Variants in EPHB1 observed in about 807,000 individuals in gnomAD.
The protein encoded by EPHB1 is EPH receptor B1.
In EPHB1, 30 loss-of-function variants were observed where a neutral mutation model predicts 94.4. The observed-to-expected ratio is 0.32, with a 90% CI of 0.24 to 0.43. The LOEUF is 0.43. EPHB1 is among the 20% of genes least tolerant of loss of function. EPHB1 has a pLI of 1.00. For synonymous variants in EPHB1, 522 were observed against 489.1 expected (o/e 1.07, Z -0.89); for missense variants, 1,055 against 1,308.3 (o/e 0.81, Z 2.99).
chr3:135,122,269 A>C (rs897019046), intron 4 of EPHB1, among the ~76,000 whole-genome samples: 2 of 152,214 alleles, frequency 1.3e-5, no homozygotes, highest in African/African-American at 4.8e-5. Context: ...TTAAGGTCAC[A>C]CTTTGGCAAG....
At chr3:135,002,037 G>A (rs1203492630) in intron 3 of EPHB1, among the ~76,000 whole-genome samples, 2 of 152,164 alleles carry the variant, frequency 1.3e-5, no homozygotes, top group African/African-American at 4.8e-5. Flanking sequence ...TTCATCAAGA[G>A]ATGAATCGAT....
At chr3:135,099,049 A>G (rs1938926457) in intron 3 of EPHB1, among the ~76,000 whole-genome samples, 2 of 147,860 alleles carry the variant, frequency 1.4e-5, no homozygotes, top group Non-Finnish European at 3.0e-5. Context: ...GGGAATCCAC[A>G]CTTTGTGTGG....
At chr3:135,057,385 G>T (rs1365125394) in intron 3 of EPHB1, among the ~76,000 whole-genome samples, 1 of 152,104 alleles carries the variant, frequency 6.6e-6, no homozygotes, top group Non-Finnish European at 1.5e-5. Context: ...TCTCTGGACA[G>T]CAGCACTTGC....
rs557329133 is a variant in EPHB1, at chr3:135,259,305, G to C, written c.*185G>C. The stretch of plus-strand genomic sequence containing the variant: ...CTCCATTTCTCAGTGACAGAAGCAT[G>C]TTTGAGATGCCGTGGGAAACCAAAT... On this transcript the variant is annotated 3_prime_UTR_variant, in exon 16 of 16. Transcript: ENST00000398015. The C allele has an allele frequency of 2.1e-6, 1 of 477,278 alleles. No homozygotes were observed. Among genetic ancestry groups the C allele is most frequent in the East Asian group, 3.3e-5 (1 of 30,078 alleles). 29.6% of individuals were successfully genotyped at this position (477,278 alleles called of 1,614,324 possible). A position where few individuals can be genotyped will look rare whatever the true frequency, so the allele number is the denominator to read the frequency against.
At chr3:134,898,793 G>A (rs980381414) in intron 1 of EPHB1, among the ~76,000 whole-genome samples, 10 of 152,152 alleles carry the variant, frequency 6.6e-5, no homozygotes, top group African/African-American at 2.4e-4. Context: ...AGCCTTCAGG[G>A]GAGCTCAGCT....
intron 3 of EPHB1, among the ~76,000 whole-genome samples, chr3:135,072,548 C>G (rs1489077321): frequency 1.3e-5 from 2 of 152,174 alleles, no homozygotes; most frequent in Non-Finnish European, 2.9e-5. Context: ...CTCTGAGCTG[C>G]AGCCACAGCA....
intron 5 of EPHB1, among the ~76,000 whole-genome samples, chr3:135,146,570 C>T (rs1001999077): frequency 3.9e-5 from 6 of 152,188 alleles, no homozygotes; most frequent in Admixed American, 2.6e-4. Context: ...GATACCCTAT[C>T]ACTTACTTTC....
chr3:134,804,576 G>T (rs2036000730), intron 1 of EPHB1, among the ~76,000 whole-genome samples: 1 of 152,150 alleles, frequency 6.6e-6, no homozygotes, highest in Non-Finnish European at 1.5e-5. Context: ...AGGAATCAGG[G>T]CACAGCGCAG....
At chr3:134,863,297 C>T (rs1044970845) in intron 1 of EPHB1, among the ~76,000 whole-genome samples, 24 of 152,202 alleles carry the variant, frequency 1.6e-4, no homozygotes, top group African/African-American at 5.1e-4. Flanking sequence ...GCCTGTTTCG[C>T]ATCATACTGC....
chr3:134,972,256 G>C (rs1933998022), intron 3 of EPHB1, among the ~76,000 whole-genome samples: 3 of 151,438 alleles, frequency 2.0e-5, no homozygotes, highest in Admixed American at 6.6e-5. Flanking sequence ...CTTGCTATGA[G>C]TCAATGCTGC....
chr3:134,916,090 G>A (rs932003184), intron 1 of EPHB1, among the ~76,000 whole-genome samples: 6 of 152,108 alleles, frequency 3.9e-5, no homozygotes, highest in Non-Finnish European at 7.3e-5. Flanking sequence ...AGACACAAAC[G>A]TTCTCCAAGT....
At chr3:134,851,887 A>G (rs1365673301) in intron 1 of EPHB1, among the ~76,000 whole-genome samples, 3 of 152,094 alleles carry the variant, frequency 2.0e-5, no homozygotes, top group African/African-American at 2.4e-5. Flanking sequence ...GAGCTCTGCT[A>G]TTGTCTTTTC....
chr3:134,991,820 C>G (rs779810745), intron 3 of EPHB1, among the ~76,000 whole-genome samples: 1 of 152,166 alleles, frequency 6.6e-6, no homozygotes, highest in African/African-American at 2.4e-5. Flanking sequence ...CGTCATGTCC[C>G]CAGGGAGTCT....
rs146464008 is a variant in EPHB1, at chr3:134,851,611, A to C, written c.58+55922A>C. Reference sequence around the variant, plus strand: ...TTCCTTGGGCTACTGCCAGTCCCTCATGGGGGCAAAACCATGCTCACTTGC... The same window carrying C: ...TTCCTTGGGCTACTGCCAGTCCCTCCTGGGGGCAAAACCATGCTCACTTGC... On this transcript the variant is annotated intron_variant, in intron 1 of 15. Coordinates refer to ENST00000398015, the MANE Select transcript of EPHB1 (RefSeq NM_004441.5). 2.0e-5 allele frequency among the ~76,000 whole-genome samples: 3 copies of C among 152,144 alleles called. No individual in the cohort carries two copies. The South Asian group carries it at 6.2e-4, about 32-fold the overall frequency.
chr3:135,096,939 A>C (rs557067276), intron 3 of EPHB1, among the ~76,000 whole-genome samples: 6 of 151,914 alleles, frequency 3.9e-5, no homozygotes, highest in Non-Finnish European at 8.8e-5. Flanking sequence ...CTACTTAAAA[A>C]ACAAAAGTTA....
chr3:134,859,895 A>G (rs938050642), intron 1 of EPHB1, among the ~76,000 whole-genome samples: 1 of 151,984 alleles, frequency 6.6e-6, no homozygotes, highest in Admixed American at 6.6e-5. Flanking sequence ...TTTGTTGTTA[A>G]TCTTTTCTTT....
chr3:134,967,381 G>C (rs1042616491), intron 3 of EPHB1, among the ~76,000 whole-genome samples: 9 of 152,122 alleles, frequency 5.9e-5, no homozygotes, highest in African/African-American at 2.2e-4. Flanking sequence ...TTTGAAACTT[G>C]GTCCTCAATG....
At chr3:135,190,704 A>G (rs1942433310) in intron 10 of EPHB1, among the ~76,000 whole-genome samples, 1 of 152,256 alleles carries the variant, frequency 6.6e-6, no homozygotes, top group Non-Finnish European at 1.5e-5. Flanking sequence ...TTTAACATAC[A>G]AATTCAAATA....
chr3:134,952,381 A>T (rs1933070340), intron 3 of EPHB1, among the ~76,000 whole-genome samples: 1 of 129,582 alleles, frequency 7.7e-6, no homozygotes, highest in African/African-American at 3.3e-5. Flanking sequence ...TCACACACAC[A>T]CACACACACT....
Sources: allele counts gnomAD v4.1 joint callset (sites outside exome capture counted in the v4.1 genomes callset), GRCh38; gene constraint gnomAD v4.1.1; transcripts MANE v1.5; gene names NCBI Gene and HGNC (gene_info 2026-07-23, HGNC 2026-07-21).